HYDIN: variants seen among roughly 807,000 people sequenced by gnomAD.
The protein encoded by HYDIN is axonemal central pair apparatus protein HYDIN.
A neutral mutation model predicts 403.9 loss-of-function variants in HYDIN; 132 were observed. That is an observed-to-expected ratio of 0.33 (90% CI 0.28 to 0.38). HYDIN has a LOEUF of 0.38. Among genes scored for constraint, HYDIN ranks in the 10% least tolerant of loss-of-function variants. The pLI, the probability that HYDIN is intolerant of heterozygous loss-of-function variation, is 1.00. For synonymous variants in HYDIN, 1,202 were observed against 1,891.7 expected, an observed-to-expected ratio of 0.64 and a Z score of 9.46; for missense variants, 2,827 against 5,009.5, an observed-to-expected ratio of 0.56 and a Z score of 13.15.
chr16:70,901,586 T>G (rs2076380248), intron 52 of HYDIN, among the ~76,000 whole-genome samples: 1 of 23,594 alleles, frequency 4.2e-5, no homozygotes, highest in Non-Finnish European at 1.1e-4. Context: ...TTTTCTTTCT[T>G]TTTTTTTTTT....
At chr16:71,152,422 T>C (rs574867133) in intron 7 of HYDIN, among the ~76,000 whole-genome samples, 4 of 150,698 alleles carry the variant, frequency 2.7e-5, no homozygotes, top group Non-Finnish European at 5.9e-5. Flanking sequence ...ATGAATAAGT[T>C]CTTTCGTAGT....
chr16:70,818,870 C>G (rs904599454), intron 83 of HYDIN, among the ~76,000 whole-genome samples: 48 of 152,242 alleles, frequency 3.2e-4, no homozygotes, highest in Non-Finnish European at 4.7e-4. Flanking sequence ...AGCTGGCCGG[C>G]TCTGGAAAAC....
chr16:71,106,800 T>G (rs1333159153), intron 10 of HYDIN, among the ~76,000 whole-genome samples: 1 of 149,294 alleles, frequency 6.7e-6, no homozygotes, highest in South Asian at 2.2e-4. Context: ...ATTACTAAAT[T>G]GTATTGTTTA....
Position 71,129,715 on chromosome 16 carries a change from G to C in HYDIN, c.1152C>G (p.Thr384=). 1 of 1,614,184 alleles carries C rather than the reference G, an allele frequency of 6.2e-7. No homozygotes were observed. The highest frequency in any genetic ancestry group is 1.1e-5 in the South Asian group (1 of 91,076). ...LREHLSVLSR[T]FANQRRLVQG... is the part of the protein sequence containing the mutation. ...GCACCAGCCTCCTCTGATTCGCAAAGGTTCGGGACAGAACAGAAAGATGTT... is the reference window on the plus strand; with the variant it reads ...GCACCAGCCTCCTCTGATTCGCAAACGTTCGGGACAGAACAGAAAGATGTT... Residue 384 remains threonine, a synonymous_variant, in exon 9 of 86, where the codon ACC becomes ACG. Coordinates refer to ENST00000393567, the MANE Select transcript of HYDIN (RefSeq NM_001270974.2).
intron 7 of HYDIN, among the ~76,000 whole-genome samples, chr16:71,148,812 G>A (rs1325271084): frequency 7.1e-6 from 1 of 140,600 alleles, no homozygotes; most frequent in African/African-American, 3.0e-5. Context: ...AGGCTGGAGT[G>A]CAATGGCTTG....
At chr16:70,921,319 C>T (rs2076988624) in intron 45 of HYDIN, 102 bp from the exon 46 acceptor site, 3 of 1,334,268 alleles carry the variant, frequency 2.2e-6, no homozygotes, top group Non-Finnish European at 2.0e-6. Flanking sequence ...GAGAAGGTCT[C>T]CGAGGATCTG....
chr16:70,974,937 T>C (rs1178266048), intron 31 of HYDIN, among the ~76,000 whole-genome samples, 199 bp downstream of exon 31: 1 of 152,200 alleles, frequency 6.6e-6, no homozygotes, highest in East Asian at 1.9e-4. Flanking sequence ...GACATAGCTA[T>C]AATGTTCTCA....
chr16:70,985,072 T>C lies in HYDIN; in HGVS notation c.4332+113A>G, dbSNP rs538621395. 2.1e-4 allele frequency: 202 copies of C among 957,118 alleles called. No homozygotes were observed. The African/African-American group carries it at 2.8e-3, about 13-fold the overall frequency. The allele number at this position is 957,118 out of a possible 1,614,324, so 59.3% of individuals were successfully genotyped here. On this transcript the variant is annotated intron_variant, in intron 28 of 85. Transcript: ENST00000393567. Reference sequence around the variant, plus strand: ...TTTTTTTTTCTGCTTCCGAGAGTTCTTTAGTTTTAACAAAAAGAAAAAATC... The same window carrying C: ...TTTTTTTTTCTGCTTCCGAGAGTTCCTTAGTTTTAACAAAAAGAAAAAATC...
chr16:70,967,513 G>C (rs902286122), intron 36 of HYDIN, among the ~76,000 whole-genome samples: 28 of 150,108 alleles, frequency 1.9e-4, no homozygotes, highest in Non-Finnish European at 8.9e-5. Context: ...ACAGAGTCTC[G>C]CTCTGTCGCC....
chr16:70,877,209 T>C (rs1253768354), intron 62 of HYDIN, among the ~76,000 whole-genome samples: 1 of 147,408 alleles, frequency 6.8e-6, no homozygotes, highest in African/African-American at 2.7e-5. Context: ...ACAGAAGATA[T>C]AGTGAGAAGG....
chr16:70,981,356 C>G (rs762352185), intron 29 of HYDIN, 35 bp downstream of exon 29: 1 of 1,577,738 alleles, frequency 6.3e-7, no homozygotes. Flanking sequence ...CTTGTTTTGT[C>G]CCCAGTGGGG....
chr16:70,919,514 T>A (rs993156471), intron 46 of HYDIN, among the ~76,000 whole-genome samples: 19 of 152,124 alleles, frequency 1.2e-4, no homozygotes, highest in African/African-American at 4.6e-4. Context: ...CAGGGATGAC[T>A]CTGATCCTCC....
intron 29 of HYDIN, among the ~76,000 whole-genome samples, chr16:70,980,441 G>T (rs2144016124): frequency 6.6e-6 from 1 of 151,320 alleles, no homozygotes; most frequent in South Asian, 2.1e-4. Flanking sequence ...TAAGAGTTAA[G>T]ATTACAGTGA....
intron 7 of HYDIN, among the ~76,000 whole-genome samples, chr16:71,138,000 T>C (rs1557900): frequency 1.6e-3 from 239 of 149,710 alleles, no homozygotes; most frequent in African/African-American, 1.9e-3. Flanking sequence ...AAAAATTGTA[T>C]TAAAAATTTA....
chr16:71,051,868 T>C (rs1317206684), intron 18 of HYDIN, among the ~76,000 whole-genome samples: 4 of 152,076 alleles, frequency 2.6e-5, no homozygotes, highest in South Asian at 2.1e-4. Flanking sequence ...TGTGGCAAAA[T>C]TGAAAGCTGA....
In HYDIN at chr16:71,188,057, A is replaced by G. The variant is rs534370001; in HGVS notation, c.-23-1139T>C. The stretch of plus-strand genomic sequence containing the variant: ...ACAAGGCCCAGACTGCGTAAGAACT[A>G]TTATTATAGCCCCACCCTTAACCAC... On this transcript the variant is annotated intron_variant, in intron 1 of 85. Coordinates refer to ENST00000393567, the MANE Select transcript of HYDIN (RefSeq NM_001270974.2). Among the ~76,000 whole-genome samples the G allele has an allele frequency of 2.6e-5, 4 of 152,348 alleles. No homozygotes were observed. The South Asian group carries it at 8.3e-4, about 32-fold the overall frequency.
chr16:70,957,234 T>A (rs970834273), intron 39 of HYDIN, among the ~76,000 whole-genome samples: 28 of 151,686 alleles, frequency 1.8e-4, no homozygotes, highest in African/African-American at 5.8e-4. Flanking sequence ...AGCGGAGTCA[T>A]ACAGTGTTTG....
At chr16:70,917,303 C>T (rs1242037168) in intron 47 of HYDIN, among the ~76,000 whole-genome samples, 1 of 152,214 alleles carries the variant, frequency 6.6e-6, no homozygotes, top group African/African-American at 2.4e-5. Context: ...GGACTCTCTG[C>T]TTGGGTGAGG....
chr16:70,958,054 G>T lies in HYDIN; in HGVS notation c.6142+1593C>A, dbSNP rs1297036952. 4.7e-5 allele frequency among the ~76,000 whole-genome samples: 7 copies of T among 149,138 alleles called. No homozygotes were observed. In the East Asian group the frequency reaches 1.2e-3, roughly 25 times the overall value. Reference sequence around the variant, plus strand: ...TTTTAATATTTTTAAATTACGGAAAGAATACAATTCAAACAATTCAGAGAT... The same window carrying T: ...TTTTAATATTTTTAAATTACGGAAATAATACAATTCAAACAATTCAGAGAT... On this transcript the variant is annotated intron_variant, in intron 39 of 85. Transcript: ENST00000393567.
Sources: allele counts gnomAD v4.1 joint callset (sites outside exome capture counted in the v4.1 genomes callset), GRCh38; gene constraint gnomAD v4.1.1; transcripts MANE v1.5; gene names NCBI Gene and HGNC (gene_info 2026-07-23, HGNC 2026-07-21).